Variants in GAP43 observed in about 807,000 individuals in gnomAD.
GAP43 encodes growth associated protein 43, also known as neuromodulin.
Under a neutral mutation model 18.6 loss-of-function variants are expected in GAP43, and 6 were observed. The ratio of observed to expected loss-of-function variants is 0.32; its 90% CI spans 0.18 to 0.64. The LOEUF (loss-of-function observed/expected upper bound fraction) is 0.64. GAP43 is among the 30% of genes least tolerant of loss of function. The pLI, the probability that GAP43 is intolerant of heterozygous loss-of-function variation, is 0.78. For synonymous variants in GAP43, 115 were observed against 111.4 expected (o/e 1.03, Z -0.20); for missense variants, 292 against 295.5 (o/e 0.99, Z 0.09).
chr3:115,663,389 G>T (rs1259939910), intron 1 of GAP43: 8 of 293,190 alleles, frequency 2.7e-5, no homozygotes, highest in Non-Finnish European at 4.1e-5. Flanking sequence ...AATGCATAAG[G>T]TTGACTCTAG....
chr3:115,691,859 T>C (rs550470129), intron 2 of GAP43, among the ~76,000 whole-genome samples: 1 of 152,296 alleles, frequency 6.6e-6, no homozygotes, highest in South Asian at 2.1e-4. Context: ...GAAACTGCAA[T>C]CTAGGGATTC....
intron 2 of GAP43, among the ~76,000 whole-genome samples, chr3:115,712,286 T>C (rs1168595339): frequency 1.3e-5 from 2 of 152,226 alleles, no homozygotes; most frequent in Non-Finnish European, 2.9e-5. Context: ...AGTAGTGCTC[T>C]CTAATTAATT....
chr3:115,633,820 T>A (rs1183988862), intron 1 of GAP43, among the ~76,000 whole-genome samples: 1 of 152,190 alleles, frequency 6.6e-6, no homozygotes, highest in Non-Finnish European at 1.5e-5. Context: ...CTAACGTCTC[T>A]TTTTCAGGTT....
intron 2 of GAP43, among the ~76,000 whole-genome samples, chr3:115,682,618 C>A (rs1708971586): frequency 6.6e-6 from 1 of 152,160 alleles, no homozygotes. Context: ...CTCACTGTAA[C>A]CTCTGACTCC....
At chr3:115,642,798 G>A (rs1199207571) in intron 1 of GAP43, among the ~76,000 whole-genome samples, 1 of 152,014 alleles carries the variant, frequency 6.6e-6, no homozygotes, top group African/African-American at 2.4e-5. Flanking sequence ...TGCTGTTGTT[G>A]ATAATGATAT....
At chr3:115,673,364 C>G (rs1349113131) in intron 1 of GAP43, among the ~76,000 whole-genome samples, 2 of 152,162 alleles carry the variant, frequency 1.3e-5, no homozygotes, top group African/African-American at 2.4e-5. Context: ...GTTTCATCCC[C>G]CTACTCCTTA....
At chr3:115,717,289 C>T (rs1709520423) in intron 2 of GAP43, among the ~76,000 whole-genome samples, 1 of 149,940 alleles carries the variant, frequency 6.7e-6, no homozygotes, top group South Asian at 2.1e-4. Context: ...TCATTTCTAA[C>T]ATTCTATATT....
At chr3:115,671,771 T>C (rs1708817327) in intron 1 of GAP43, among the ~76,000 whole-genome samples, 1 of 152,200 alleles carries the variant, frequency 6.6e-6, no homozygotes, top group African/African-American at 2.4e-5. Flanking sequence ...TTTAGTGACA[T>C]TTATGAGCTG....
intron 1 of GAP43, among the ~76,000 whole-genome samples, chr3:115,660,555 T>A (rs78043753): frequency 0.039 from 5,987 of 152,300 alleles, 368 homozygotes; most frequent in African/African-American, 0.13. Flanking sequence ...CTGGCCTTCT[T>A]GCTGCTGATT....
chr3:115,700,946 C>A (rs1364312953), intron 2 of GAP43, among the ~76,000 whole-genome samples: 1 of 152,086 alleles, frequency 6.6e-6, no homozygotes, highest in Non-Finnish European at 1.5e-5. Flanking sequence ...ATCAGACTGA[C>A]AGCAGACATC....
At chr3:115,655,930 G>A (rs1708574941) in intron 1 of GAP43, among the ~76,000 whole-genome samples, 1 of 152,172 alleles carries the variant, frequency 6.6e-6, no homozygotes. Flanking sequence ...GGCCTGGGAT[G>A]GAAGGATAAT....
In GAP43 at chr3:115,693,845, CTTTTA is replaced by C. The variant is rs1003311317; in HGVS notation, c.628+17250_628+17254del. Among the ~76,000 whole-genome samples the C allele has an allele frequency of 3.3e-5, 5 of 152,186 alleles. No homozygotes were observed. In the South Asian group the frequency reaches 6.2e-4, roughly 19 times the overall value. On this transcript the variant is annotated intron_variant, in intron 2 of 2. Transcript: ENST00000305124. ...TGAAATGATCCTTTCCTGCTCCCCA[CTTTTA>C]TTTTATTTTATTTTGTTTAGGATCA... is the stretch of plus-strand genomic sequence containing the variant.
intron 1 of GAP43, among the ~76,000 whole-genome samples, chr3:115,669,978 T>A (rs1356716908): frequency 4.3e-4 from 58 of 135,380 alleles, no homozygotes; most frequent in African/African-American, 1.2e-3. Context: ...TTTATTTTTT[T>A]TTTTTAATTT....
At chr3:115,705,470 G>T (rs1709348575) in intron 2 of GAP43, among the ~76,000 whole-genome samples, 1 of 152,066 alleles carries the variant, frequency 6.6e-6, no homozygotes, top group Admixed American at 6.6e-5. Flanking sequence ...ATCATTTATT[G>T]AATTTTTAAA....
At chr3:115,693,303 C>T (rs1245389151) in intron 2 of GAP43, among the ~76,000 whole-genome samples, 2 of 152,076 alleles carry the variant, frequency 1.3e-5, no homozygotes, top group Admixed American at 6.6e-5. Flanking sequence ...AGAAGGTTGT[C>T]AGCTAATTTT....
chr3:115,697,517 G>T (rs1709211641), intron 2 of GAP43, among the ~76,000 whole-genome samples: 1 of 152,206 alleles, frequency 6.6e-6, no homozygotes, highest in Non-Finnish European at 1.5e-5. Context: ...ACTGGGTTGT[G>T]TCTGTGGCAT....
intron 2 of GAP43, among the ~76,000 whole-genome samples, chr3:115,716,716 AAATATAT>A (rs1284101069): frequency 6.4e-5 from 2 of 31,264 alleles, no homozygotes; most frequent in Non-Finnish European, 1.3e-4. Context: ...AATCTCAGAC[AAATATAT>A]ATATATATAT....
intron 1 of GAP43, among the ~76,000 whole-genome samples, chr3:115,634,953 C>T (rs903714555): frequency 6.6e-6 from 1 of 152,102 alleles, no homozygotes; most frequent in East Asian, 1.9e-4. Flanking sequence ...CATTGCATTT[C>T]GGTCTTTAAA....
At chr3:115,641,025 G>GTTTTTTTTTCTT in intron 1 of GAP43, among the ~76,000 whole-genome samples, 1 of 49,008 alleles carries the variant, frequency 2.0e-5, no homozygotes, top group Non-Finnish European at 4.5e-5. Flanking sequence ...GCTTTATTCT[G>GTTTTTTTTTCTT]TTTTTTTTTT....
Sources: gnomAD v4.1 joint callset for allele counts (sites outside exome capture counted in the v4.1 genomes callset) on GRCh38, gnomAD v4.1.1 for gene constraint, MANE v1.5 for transcripts, NCBI Gene and HGNC (gene_info 2026-07-23, HGNC 2026-07-21) for gene names.